The following GSK3B variants were observed in gnomAD, a reference collection of about 807,000 sequenced individuals.
GSK3B encodes the protein glycogen synthase kinase 3 beta.
Under a neutral mutation model 56.4 loss-of-function variants are expected in GSK3B, and 15 were observed. The observed-to-expected ratio is 0.27, with a 90% CI of 0.18 to 0.41. The LOEUF is 0.41. Ranked by LOEUF, GSK3B falls within the 10% of genes least tolerant of loss-of-function variation. GSK3B has a pLI of 1.00. For missense variants in GSK3B, 300 were observed against 513.4 expected, an observed-to-expected ratio of 0.58 and a Z score of 4.02; for synonymous variants, 181 against 188.9, an observed-to-expected ratio of 0.96 and a Z score of 0.34.
At chr3:119,832,358 T>C (rs901649813) in intron 10 of GSK3B, among the ~76,000 whole-genome samples, 5 of 152,242 alleles carry the variant, frequency 3.3e-5, no homozygotes, top group Non-Finnish European at 7.3e-5. Flanking sequence ...TTTGACTATG[T>C]CATGAGACTC....
chr3:119,966,075 T>C (rs1244865628), intron 2 of GSK3B, among the ~76,000 whole-genome samples: 2 of 152,222 alleles, frequency 1.3e-5, no homozygotes, highest in Non-Finnish European at 2.9e-5. Context: ...ACATAGACTA[T>C]AAACTCCTTG....
At chr3:119,875,322 T>C (rs1388056177) in intron 8 of GSK3B, among the ~76,000 whole-genome samples, 1 of 152,058 alleles carries the variant, frequency 6.6e-6, no homozygotes, top group Admixed American at 6.6e-5. Flanking sequence ...ATACTTTGAT[T>C]CTACAGAGGG....
Position 119,825,750 on chromosome 3 carries a change from G to T in GSK3B, c.*1038C>A. 4.5e-6 allele frequency: 1 copy of T among 224,460 alleles called. No homozygotes were observed. The highest frequency in any genetic ancestry group is 2.2e-5 in the African/African-American group (1 of 45,008). 13.9% of individuals were successfully genotyped at this position (224,460 alleles called of 1,614,324 possible). On this transcript the variant is annotated 3_prime_UTR_variant, in exon 11 of 11. Coordinates refer to ENST00000264235, the MANE Select transcript of GSK3B (RefSeq NM_001146156.2). ...AGCTCAATTTTCAATTAAAAAATATGAAAAATAAACCAGTAGATGACTGTT... is the reference window on the plus strand; with the variant it reads ...AGCTCAATTTTCAATTAAAAAATATTAAAAATAAACCAGTAGATGACTGTT...
In GSK3B at chr3:119,970,442, C is replaced by G. The variant is rs572856211; in HGVS notation, c.283-23091G>C. Among the ~76,000 whole-genome samples, 7 of 152,112 alleles carry G rather than the reference C, an allele frequency of 4.6e-5. 1 individual carries two copies. The South Asian group carries it at 1.5e-3, about 32-fold the overall frequency. On this transcript the variant is annotated intron_variant, in intron 2 of 10. Transcript: ENST00000264235. ...GCTAAAATTAAAGAGACTGACTAAACCAAGCCTTGGGATACCCTGCTGGTG... is the reference window on the plus strand; with the variant it reads ...GCTAAAATTAAAGAGACTGACTAAAGCAAGCCTTGGGATACCCTGCTGGTG...
chr3:119,922,343 T>C (rs1453569995), intron 4 of GSK3B, among the ~76,000 whole-genome samples: 2 of 148,258 alleles, frequency 1.3e-5, no homozygotes, highest in African/African-American at 4.9e-5. Context: ...ATACTTTATA[T>C]ATAAATATAT....
At chr3:120,031,440 G>A (rs1358551086) in intron 1 of GSK3B, among the ~76,000 whole-genome samples, 1 of 151,842 alleles carries the variant, frequency 6.6e-6, no homozygotes, top group East Asian at 1.9e-4. Flanking sequence ...GGAAAGGCCC[G>A]TGAAAGGCGA....
At chr3:119,990,378 A>T (rs1235215531) in intron 2 of GSK3B, among the ~76,000 whole-genome samples, 1 of 152,196 alleles carries the variant, frequency 6.6e-6, no homozygotes, top group African/African-American at 2.4e-5. Context: ...AGCGCTCCTG[A>T]TCAAAATCAG....
At chr3:119,923,674 C>T (rs1231175297) in intron 3 of GSK3B, among the ~76,000 whole-genome samples, 191 bp from the exon 4 acceptor site, 1 of 152,072 alleles carries the variant, frequency 6.6e-6, no homozygotes, top group Non-Finnish European at 1.5e-5. Flanking sequence ...CACCTTTTTA[C>T]TAATAATTCA....
chr3:119,895,183 T>G (rs184217914), intron 7 of GSK3B, among the ~76,000 whole-genome samples: 1 of 152,266 alleles, frequency 6.6e-6, no homozygotes, highest in Admixed American at 6.5e-5. Context: ...AATATTTCTC[T>G]TTCTATGCCT....
chr3:119,984,571 A>G (rs1160154272), intron 2 of GSK3B, among the ~76,000 whole-genome samples: 1 of 152,202 alleles, frequency 6.6e-6, no homozygotes, highest in Non-Finnish European at 1.5e-5. Context: ...CTACCATCAG[A>G]GAATACTATA....
intron 6 of GSK3B, among the ~76,000 whole-genome samples, chr3:119,910,212 G>C (rs1483656303): frequency 6.6e-6 from 1 of 152,128 alleles, no homozygotes; most frequent in Non-Finnish European, 1.5e-5. Context: ...GATTCTAACA[G>C]TCCAAGGAAG....
chr3:119,877,372 T>A (rs2056326525), intron 7 of GSK3B, among the ~76,000 whole-genome samples: 1 of 152,254 alleles, frequency 6.6e-6, no homozygotes, highest in Non-Finnish European at 1.5e-5. Context: ...TAACCTTACA[T>A]CCTCCTATAC....
chr3:120,040,536 C>T (rs994091973), intron 1 of GSK3B, among the ~76,000 whole-genome samples: 2 of 152,032 alleles, frequency 1.3e-5, no homozygotes, highest in Non-Finnish European at 2.9e-5. Context: ...AAGGATTGAG[C>T]CTTAACAAGC....
intron 3 of GSK3B, among the ~76,000 whole-genome samples, chr3:119,941,078 C>A (rs1336384938): frequency 6.7e-6 from 1 of 148,284 alleles, no homozygotes; most frequent in Non-Finnish European, 1.5e-5. Flanking sequence ...TGCAATGGCT[C>A]GATCTCGGCT....
chr3:119,888,080 A>G (rs147749217), intron 7 of GSK3B, among the ~76,000 whole-genome samples: 79 of 152,234 alleles, frequency 5.2e-4, no homozygotes, highest in African/African-American at 1.7e-3. Flanking sequence ...TTCACCACAA[A>G]AAAGTAGTTC....
chr3:119,983,570 TA>T (rs2057484852), intron 2 of GSK3B, among the ~76,000 whole-genome samples: 2 of 149,130 alleles, frequency 1.3e-5, no homozygotes, highest in African/African-American at 2.5e-5. Context: ...TAGTCTCTGA[TA>T]AAACAGACTT....
At chr3:119,947,499 T>C (rs565758230) in intron 2 of GSK3B, 148 bp from the exon 3 acceptor site, 4 of 607,090 alleles carry the variant, frequency 6.6e-6, no homozygotes, top group African/African-American at 3.7e-5. Flanking sequence ...CTGGTTCTGA[T>C]CTGCAAAATA....
chr3:119,958,367 A>G (rs1318224222), intron 2 of GSK3B, among the ~76,000 whole-genome samples: 1 of 116,250 alleles, frequency 8.6e-6, no homozygotes, highest in Non-Finnish European at 1.7e-5. Context: ...AAGTGCCACT[A>G]GAGTTATCGA....
intron 1 of GSK3B, among the ~76,000 whole-genome samples, chr3:120,087,108 G>A (rs1323734609): frequency 6.6e-6 from 1 of 152,194 alleles, no homozygotes; most frequent in Non-Finnish European, 1.5e-5. Context: ...TTTGTCTGCA[G>A]ATATTAGCTG....
Sources: allele counts gnomAD v4.1 joint callset (sites outside exome capture counted in the v4.1 genomes callset), GRCh38; gene constraint gnomAD v4.1.1; transcripts MANE v1.5; gene names NCBI Gene and HGNC (gene_info 2026-07-23, HGNC 2026-07-21).